SMIM20: variants seen among roughly 807,000 people sequenced by gnomAD.
The protein encoded by SMIM20 is small integral membrane protein 20.
Under a neutral mutation model 8.7 loss-of-function variants are expected in SMIM20, and 3 were observed. That is an observed-to-expected ratio of 0.34 (90% CI 0.16 to 0.89). SMIM20 has a LOEUF of 0.89. SMIM20 is among the 40% of genes least tolerant of loss of function. SMIM20 has a pLI of 0.49. For synonymous variants in SMIM20, 44 were observed against 33.6 expected (o/e 1.31, Z -1.07); for missense variants, 85 against 84.8 (o/e 1.00, Z -0.01).
chr4:25,925,913 A>T (rs1371306902), intron 1 of SMIM20, among the ~76,000 whole-genome samples: 1 of 152,238 alleles, frequency 6.6e-6, no homozygotes, highest in Non-Finnish European at 1.5e-5. Flanking sequence ...CCCCTGGACC[A>T]GAGATAACGT....
rs1560389436 is a variant in SMIM20 at position 25,929,767 on chromosome 4, CAATT to C, written c.*580_*583del. The C allele has an allele frequency of 6.6e-6, 1 of 152,114 alleles. No individual in the cohort carries two copies. The highest frequency in any genetic ancestry group is 6.5e-5 in the Admixed American group (1 of 15,282). The allele number at this position is 152,114 out of a possible 1,614,324, so 9.4% of individuals were successfully genotyped here. On this transcript the variant is annotated 3_prime_UTR_variant, in exon 3 of 3. Coordinates refer to ENST00000506197, the MANE Select transcript of SMIM20 (RefSeq NM_001145432.3). ...ATACACTTGTGTAGAAATCAATAAT[CAATT>C]AATAGAAGTGAAAAAATAGACATTA...
intron 1 of SMIM20, among the ~76,000 whole-genome samples, chr4:25,925,038 T>G (rs1719263328): frequency 6.6e-6 from 1 of 152,324 alleles, no homozygotes. Flanking sequence ...TGTTTAGACT[T>G]GGATCCCATC....
At chr4:25,919,804 G>C (rs1321404839) in intron 1 of SMIM20, among the ~76,000 whole-genome samples, 1 of 152,128 alleles carries the variant, frequency 6.6e-6, no homozygotes, top group Non-Finnish European at 1.5e-5. Context: ...AACAATACAA[G>C]GTCCTTATAA....
intron 1 of SMIM20, among the ~76,000 whole-genome samples, chr4:25,927,553 C>G (rs755120302): frequency 3.9e-5 from 6 of 152,216 alleles, no homozygotes; most frequent in Non-Finnish European, 8.8e-5. Flanking sequence ...TCCTTTGGCT[C>G]TAAGGCTTTC....
intron 1 of SMIM20, among the ~76,000 whole-genome samples, chr4:25,922,778 A>G (rs1037707628): frequency 6.6e-6 from 1 of 152,200 alleles, no homozygotes; most frequent in African/African-American, 2.4e-5. Context: ...AAGGCAGTCC[A>G]TGTAGAGCCA....
At chr4:25,927,753 C>T (rs533908596) in intron 1 of SMIM20, among the ~76,000 whole-genome samples, 4 of 152,326 alleles carry the variant, frequency 2.6e-5, no homozygotes, top group South Asian at 2.1e-4. Flanking sequence ...TAGTTGCTGT[C>T]GCTACAATGT....
chr4:25,920,470 G>T (rs1482736741), intron 1 of SMIM20, among the ~76,000 whole-genome samples: 2 of 152,118 alleles, frequency 1.3e-5, no homozygotes, highest in African/African-American at 4.8e-5. Flanking sequence ...TTTTTGTACA[G>T]CTGTAGATGT....
At chr4:25,917,460 G>A (rs79467396) in intron 1 of SMIM20, among the ~76,000 whole-genome samples, 1,664 of 152,294 alleles carry the variant, frequency 0.011, 25 homozygotes, top group African/African-American at 0.035. Context: ...ATTTTAGCAG[G>A]TGGATAGGCC....
chr4:25,918,563 T>C (rs1252268903), intron 1 of SMIM20, among the ~76,000 whole-genome samples: 1 of 151,806 alleles, frequency 6.6e-6, no homozygotes, highest in Non-Finnish European at 1.5e-5. Flanking sequence ...GAGGCTGGAG[T>C]GCAATGGTGT....
At chr4:25,915,720 C>G (rs1365934133) in intron 1 of SMIM20, among the ~76,000 whole-genome samples, 1 of 152,034 alleles carries the variant, frequency 6.6e-6, no homozygotes, top group Admixed American at 6.6e-5. Flanking sequence ...GAACTTGGGA[C>G]AAAGGGTCTG....
chr4:25,920,356 A>G (rs898105959), intron 1 of SMIM20, among the ~76,000 whole-genome samples: 2 of 152,198 alleles, frequency 1.3e-5, no homozygotes, highest in African/African-American at 4.8e-5. Context: ...GCTAATATAT[A>G]TGTTGTATCT....
chr4:25,929,302 T>C lies in SMIM20; in HGVS notation c.*111T>C. 9.3e-7 allele frequency: 1 copy of C among 1,079,190 alleles called. No homozygotes were observed. The highest frequency in any genetic ancestry group is 1.4e-6 in the Non-Finnish European group (1 of 734,820). The allele number at this position is 1,079,190 out of a possible 1,614,324, so 66.9% of individuals were successfully genotyped here. On this transcript the variant is annotated 3_prime_UTR_variant, in exon 3 of 3. Transcript: ENST00000506197. Reference sequence around the variant, plus strand: ...GAATGACGGCTGGAGAAGAAAACTCTGTAATACCATAAATAAGAGTGCTTG... The same window carrying C: ...GAATGACGGCTGGAGAAGAAAACTCCGTAATACCATAAATAAGAGTGCTTG...
At position 25,919,149 on chromosome 4, in the gene SMIM20, C is replaced by T. The variant is rs546528676; in HGVS notation, c.109+4727C>T. ...TCGATCTCCTGACCTCATGATCCACCCGCCTCGGCCTCCCAAAGTGCTGGG... is the reference window on the plus strand; with the variant it reads ...TCGATCTCCTGACCTCATGATCCACTCGCCTCGGCCTCCCAAAGTGCTGGG... On this transcript the variant is annotated intron_variant, in intron 1 of 2. Transcript: ENST00000506197. Among the ~76,000 whole-genome samples the T allele has an allele frequency of 1.0e-3, 153 of 151,758 alleles. 3 individuals carry two copies. In the South Asian group the frequency reaches 0.03, roughly 30 times the overall value.
At chr4:25,925,821 A>G (rs1719282182) in intron 1 of SMIM20, among the ~76,000 whole-genome samples, 2 of 152,234 alleles carry the variant, frequency 1.3e-5, no homozygotes, top group South Asian at 4.1e-4. Context: ...AAAGACTTCA[A>G]CATTATTAGG....
At chr4:25,916,650 G>A (rs1719098583) in intron 1 of SMIM20, among the ~76,000 whole-genome samples, 1 of 152,186 alleles carries the variant, frequency 6.6e-6, no homozygotes, top group East Asian at 1.9e-4. Flanking sequence ...CTGCCTCCCA[G>A]GTTCAAGTGA....
rs945341494 is a variant in SMIM20 at position 25,928,184 on chromosome 4, G to A, written c.110-129G>A. 2.2e-5 allele frequency: 18 copies of A among 815,254 alleles called. No individual in the cohort carries two copies. The Middle Eastern group carries it at 1.7e-3, about 76-fold the overall frequency. The allele number at this position is 815,254 out of a possible 1,614,324, so 50.5% of individuals were successfully genotyped here. On this transcript the variant is annotated intron_variant, in intron 1 of 2. Transcript: ENST00000506197. ...CAACCTAAAAGCTTTGCATAATAGC[G>A]TATCTGAATTTAACAGCACTCATAA...
chr4:25,929,219 A>G lies in SMIM20; in HGVS notation c.*28A>G. The G allele has an allele frequency of 6.4e-7, 1 of 1,551,596 alleles. No homozygotes were observed. Among genetic ancestry groups the G allele is most frequent in the Admixed American group, 2.0e-5 (1 of 50,994 alleles). ...GGGCTGTCATCAGCTCTGATTAAGA[A>G]AGGAGATTTCTTCATGCTTTCGATT... is the stretch of plus-strand genomic sequence containing the variant. On this transcript the variant is annotated 3_prime_UTR_variant, in exon 3 of 3. Transcript: ENST00000506197.
intron 1 of SMIM20, among the ~76,000 whole-genome samples, chr4:25,921,421 C>A (rs1002487822): frequency 6.6e-6 from 1 of 152,046 alleles, no homozygotes; most frequent in Admixed American, 6.6e-5. Flanking sequence ...TGATTAGCCA[C>A]GGGGCAAAGA....
At chr4:25,915,869 G>GGGGGGGGGTGGC (rs1719082594) in intron 1 of SMIM20, among the ~76,000 whole-genome samples, 1 of 103,164 alleles carries the variant, frequency 9.7e-6, no homozygotes, top group African/African-American at 3.5e-5. Context: ...CGGGGGGGGG[G>GGGGGGGGGTGGC]TCGAGTGTTG....
Sources: allele counts gnomAD v4.1 joint callset (sites outside exome capture counted in the v4.1 genomes callset), GRCh38; gene constraint gnomAD v4.1.1; transcripts MANE v1.5; gene names NCBI Gene and HGNC (gene_info 2026-07-23, HGNC 2026-07-21).